Variants in TMEM9 observed in about 807,000 individuals in gnomAD.
TMEM9 encodes the protein transmembrane protein 9.
TMEM9 carries 13 observed loss-of-function variants against 22.8 expected under a neutral mutation model. That is an observed-to-expected ratio of 0.57 (90% CI 0.37 to 0.91). TMEM9 has a LOEUF of 0.91. TMEM9 is among the 40% of genes least tolerant of loss of function. The pLI, the probability that TMEM9 is intolerant of heterozygous loss-of-function variation, is 0.01. For synonymous variants in TMEM9, 88 were observed against 93.0 expected (o/e 0.95, Z 0.31); for missense variants, 182 against 238.1 (o/e 0.76, Z 1.55).
intron 4 of TMEM9, among the ~76,000 whole-genome samples, chr1:201,140,856 G>A (rs1408869): frequency 0.68 from 103,000 of 152,018 alleles, 35,035 homozygotes; most frequent in Non-Finnish European, 0.71. Flanking sequence ...TACAGCCTAG[G>A]TGCTGCTGCC....
chr1:201,170,712 G>C (rs1404858231), intron 1 of TMEM9, among the ~76,000 whole-genome samples: 3 of 152,122 alleles, frequency 2.0e-5, no homozygotes, highest in Non-Finnish European at 4.4e-5. Context: ...TAAACGCAAA[G>C]GGCAAGTGTA....
chr1:201,153,412 T>A (rs1370253170), intron 1 of TMEM9, among the ~76,000 whole-genome samples: 1 of 152,218 alleles, frequency 6.6e-6, no homozygotes, highest in Non-Finnish European at 1.5e-5. Flanking sequence ...TAAAATTACC[T>A]TCGGGCTATG....
intron 1 of TMEM9, among the ~76,000 whole-genome samples, chr1:201,162,360 C>T (rs944225249): frequency 9.9e-5 from 15 of 151,696 alleles, no homozygotes; most frequent in African/African-American, 3.6e-4. Context: ...TGATCTTGAA[C>T]TCCTGGGTTC....
At chr1:201,165,991 G>T (rs369981912) in intron 1 of TMEM9, among the ~76,000 whole-genome samples, 1 of 152,088 alleles carries the variant, frequency 6.6e-6, no homozygotes, top group Non-Finnish European at 1.5e-5. Flanking sequence ...ATCTTTCTGC[G>T]ACCGACTTAT....
intron 1 of TMEM9, among the ~76,000 whole-genome samples, chr1:201,163,544 C>A (rs1665999273): frequency 6.6e-6 from 1 of 152,098 alleles, no homozygotes; most frequent in Admixed American, 6.5e-5. Context: ...GAGCCAAGAT[C>A]ACGCCACTGC....
upstream of TMEM9, among the ~76,000 whole-genome samples, chr1:201,155,332 G>C (rs1665753680): frequency 6.6e-6 from 1 of 151,882 alleles, no homozygotes; most frequent in African/African-American, 2.4e-5. Flanking sequence ...GATTCCTTAG[G>C]GGTGGGTGGG....
At chr1:201,152,915 G>C (rs1221899427) in intron 1 of TMEM9, among the ~76,000 whole-genome samples, 1 of 152,170 alleles carries the variant, frequency 6.6e-6, no homozygotes, top group Non-Finnish European at 1.5e-5. Flanking sequence ...TAAGACAAAA[G>C]CTTGTTAATG....
At chr1:201,143,402 A>G (rs1664694470) in intron 4 of TMEM9, among the ~76,000 whole-genome samples, 1 of 152,198 alleles carries the variant, frequency 6.6e-6, no homozygotes, top group South Asian at 2.1e-4. Flanking sequence ...TCTGGTTTGC[A>G]TTGAGCAAGT....
intron 3 of TMEM9, chr1:201,145,143 T>C (rs1664856810): frequency 6.6e-6 from 1 of 152,282 alleles, no homozygotes; most frequent in Non-Finnish European, 1.5e-5. Flanking sequence ...GAACAGAGGC[T>C]GGGTCTTCAA....
chr1:201,158,438 G>T (rs1026446866), upstream of TMEM9, among the ~76,000 whole-genome samples: 1 of 151,194 alleles, frequency 6.6e-6, no homozygotes, highest in African/African-American at 2.4e-5. Context: ...CTGGTGGGGG[G>T]TGGGGGCGGG....
At chr1:201,158,999 G>C (rs990747179), upstream of TMEM9, among the ~76,000 whole-genome samples, 6 of 152,068 alleles carry the variant, frequency 3.9e-5, no homozygotes, top group African/African-American at 1.4e-4. Flanking sequence ...ATATGCCCCT[G>C]CTTTTCCTCT....
intron 1 of TMEM9, among the ~76,000 whole-genome samples, chr1:201,160,291 A>G (rs1665907854): frequency 6.6e-6 from 1 of 152,340 alleles, no homozygotes; most frequent in East Asian, 1.9e-4. Flanking sequence ...TTACATTCTT[A>G]AAAATTATTG....
At chr1:201,139,451 G>A (rs142767803) in intron 4 of TMEM9, among the ~76,000 whole-genome samples, 1,883 of 152,272 alleles carry the variant, frequency 0.012, 13 homozygotes, top group Non-Finnish European at 0.019. Flanking sequence ...TGCGGCTAGG[G>A]CCACCTTCCT....
In TMEM9 at chr1:201,154,331, C is replaced by A. The variant is rs763058292; in HGVS notation, c.-408G>T. The A allele has an allele frequency of 2.0e-4, 36 of 178,056 alleles. No homozygotes were observed. Among genetic ancestry groups the A allele is most frequent in the Non-Finnish European group, 3.6e-4 (30 of 82,708 alleles). The allele number at this position is 178,056 out of a possible 1,614,324, so 11.0% of individuals were successfully genotyped here. On this transcript the variant is annotated 5_prime_UTR_variant, in exon 1 of 5. Coordinates refer to ENST00000367330, the MANE Select transcript of TMEM9 (RefSeq NM_001288565.2). Reference sequence around the variant, plus strand: ...GAACTTTTGGGTGCGAGTCTGGGACCCCTGCTCCGACGGCGAAGGCCGGTG... The same window carrying A: ...GAACTTTTGGGTGCGAGTCTGGGACACCTGCTCCGACGGCGAAGGCCGGTG...
chr1:201,171,553 C>G (rs1666211892), exon 1 of TMEM9: 1 of 152,190 alleles, frequency 6.6e-6, no homozygotes, highest in Admixed American at 6.5e-5. Flanking sequence ...CTCTCGGGTG[C>G]ATTGTGGGAC....
intron 1 of TMEM9, among the ~76,000 whole-genome samples, chr1:201,164,827 C>T (rs831748): frequency 0.28 from 42,960 of 151,750 alleles, 7,260 homozygotes; most frequent in Admixed American, 0.42. Flanking sequence ...AAGTGACCCT[C>T]TTTATCATAG....
In TMEM9 at chr1:201,165,139, T is replaced by G. The variant is rs530292936; in HGVS notation, c.-37+6351A>C. On this transcript the variant is annotated intron_variant, in intron 1 of 5. Transcript: ENST00000367333. ...AGGACACATCACATTTTATCACTTT[T>G]TAAGAGAAAATTATATATATATATA... Among the ~76,000 whole-genome samples the G allele has an allele frequency of 1.1e-4, 14 of 123,170 alleles. No individual in the cohort carries two copies. In the South Asian group the frequency reaches 2.5e-3, roughly 22 times the overall value. 80.8% of individuals were successfully genotyped at this position (123,170 alleles called of 152,430 possible). A position where few individuals can be genotyped will look rare whatever the true frequency, so the allele number is the denominator to read the frequency against.
chr1:201,152,925 G>T (rs1447569359), intron 1 of TMEM9, among the ~76,000 whole-genome samples: 48 of 152,242 alleles, frequency 3.2e-4, no homozygotes, highest in Admixed American at 3.1e-3. Context: ...GCTTGTTAAT[G>T]AATCAGGTGA....
chr1:201,146,781 A>G lies in TMEM9; in HGVS notation c.226T>C (p.Cys76Arg). ...GHDVEAYCLL[C>R]ECRYEERSTT... The stretch of plus-strand genomic sequence containing the variant: ...CTGCGCTCCTCGTACCTGCACTCGC[A>G]CAGCAGGCAGTAGGCCTCCACGTCA... Residue 76 changes from cysteine (C) to arginine (R), a missense_variant, in exon 3 of 5, where the codon TGC (cysteine) becomes CGC (arginine). By Grantham distance (180) the Cys-to-Arg change is radical. Coordinates refer to ENST00000367330, the MANE Select transcript of TMEM9 (RefSeq NM_001288565.2). 1 of 1,614,232 alleles carries G rather than the reference A, an allele frequency of 6.2e-7. No individual in the cohort carries two copies. The highest frequency in any genetic ancestry group is 8.5e-7 in the Non-Finnish European group (1 of 1,180,036).
Sources: gnomAD v4.1 joint callset for allele counts (sites outside exome capture counted in the v4.1 genomes callset) on GRCh38, gnomAD v4.1.1 for gene constraint, MANE v1.5 for transcripts, NCBI Gene and HGNC (gene_info 2026-07-23, HGNC 2026-07-21) for gene names.